SLC24A2: variants seen among roughly 807,000 people sequenced by gnomAD.
SLC24A2 encodes solute carrier family 24 member 2.
Under a neutral mutation model 62.0 loss-of-function variants are expected in SLC24A2, and 36 were observed. That is an observed-to-expected ratio of 0.58 (90% CI 0.44 to 0.77). The LOEUF is 0.77. SLC24A2 is among the 30% of genes least tolerant of loss of function. The pLI, the probability that SLC24A2 is intolerant of heterozygous loss-of-function variation, is 0.00. For missense variants in SLC24A2, 846 were observed against 817.9 expected (o/e 1.03, Z -0.42); for synonymous variants, 358 against 294.0 (o/e 1.22, Z -2.23).
chr9:19,723,431 G>A (rs1260942295), intron 2 of SLC24A2, among the ~76,000 whole-genome samples: 7 of 152,102 alleles, frequency 4.6e-5, no homozygotes, highest in Non-Finnish European at 1.5e-5. Flanking sequence ...TAATACAGGT[G>A]TTTGTATTCC....
the SLC24A2 span, among the ~76,000 whole-genome samples, chr9:19,828,647 A>G: frequency 5.3e-5 from 8 of 151,994 alleles, no homozygotes; most frequent in East Asian, 3.9e-4. Flanking sequence ...CCCACCCCCA[A>G]CGACCTCGAG....
the SLC24A2 span, among the ~76,000 whole-genome samples, chr9:19,851,081 T>G: frequency 7.2e-6 from 1 of 138,778 alleles, no homozygotes; most frequent in Non-Finnish European, 1.5e-5. Flanking sequence ...TGGAGTGCAA[T>G]GGCGTGATCT....
the SLC24A2 span, among the ~76,000 whole-genome samples, chr9:20,069,043 C>A: frequency 0.02 from 2,426 of 123,496 alleles, 35 homozygotes; most frequent in Non-Finnish European, 0.026. Context: ...TTTCACCTCC[C>A]AAAACTACTC....
chr9:20,107,050 C>A, the SLC24A2 span, among the ~76,000 whole-genome samples: 2 of 152,240 alleles, frequency 1.3e-5, no homozygotes, highest in Non-Finnish European at 2.9e-5. Context: ...TCTTATACAC[C>A]AATAACAGAC....
At chr9:20,170,140 A>C in the SLC24A2 span, among the ~76,000 whole-genome samples, 1 of 151,434 alleles carries the variant, frequency 6.6e-6, no homozygotes, top group Non-Finnish European at 1.5e-5. Context: ...ACAAAAAGAA[A>C]AAAAAAAAAG....
chr9:20,144,922 C>A, the SLC24A2 span, among the ~76,000 whole-genome samples: 25 of 152,052 alleles, frequency 1.6e-4, no homozygotes, highest in African/African-American at 5.8e-4. Flanking sequence ...CTTGAAGAGG[C>A]CTCAAGCAAT....
chr9:20,119,564 T>G, the SLC24A2 span, among the ~76,000 whole-genome samples: 143 of 152,226 alleles, frequency 9.4e-4, no homozygotes, highest in Non-Finnish European at 1.6e-3. Flanking sequence ...AACACTTCCA[T>G]GATAAACACT....
chr9:20,017,031 TA>T, the SLC24A2 span, among the ~76,000 whole-genome samples: 17 of 152,246 alleles, frequency 1.1e-4, no homozygotes, highest in Admixed American at 1.0e-3. Context: ...TATTTTATTT[TA>T]ATTTTTTTGA....
intron 7 of SLC24A2, among the ~76,000 whole-genome samples, chr9:19,560,687 A>C (rs935987433): frequency 6.6e-6 from 1 of 152,202 alleles, no homozygotes; most frequent in Non-Finnish European, 1.5e-5. Flanking sequence ...CAGCCCCAGT[A>C]GGCTAATACA....
chr9:19,960,570 T>C, the SLC24A2 span, among the ~76,000 whole-genome samples: 1 of 152,290 alleles, frequency 6.6e-6, no homozygotes, highest in Non-Finnish European at 1.5e-5. Context: ...ACCCATAAAA[T>C]GGGGGTAATA....
Position 19,788,608 on chromosome 9 carries a change from G to A in SLC24A2, c.-154+277C>T, listed in dbSNP as rs1319222582. ...CCTGAGTCGTTTGTAGGTGGCTGGG[G>A]AATGGAAGCGCCCCTCTGCGCGTCT... On this transcript the variant is annotated intron_variant, in intron 1 of 10. Transcript: ENST00000341998. The A allele has an allele frequency of 8.1e-6, 8 of 985,366 alleles. No individual in the cohort carries two copies. The Admixed American group carries it at 4.3e-4, about 53-fold the overall frequency. 61.0% of individuals were successfully genotyped at this position (985,366 alleles called of 1,614,324 possible).
chr9:19,950,708 A>C, the SLC24A2 span, among the ~76,000 whole-genome samples: 1 of 152,234 alleles, frequency 6.6e-6, no homozygotes, highest in Non-Finnish European at 1.5e-5. Context: ...TTCATATTCT[A>C]CTGCAAGTGT....
At chr9:20,044,967 G>T in the SLC24A2 span, among the ~76,000 whole-genome samples, 1 of 151,896 alleles carries the variant, frequency 6.6e-6, no homozygotes, top group Non-Finnish European at 1.5e-5. Flanking sequence ...ACAATACTGG[G>T]GACCATTTGA....
At chr9:19,534,853 T>C (rs940290130) in intron 8 of SLC24A2, among the ~76,000 whole-genome samples, 1 of 152,230 alleles carries the variant, frequency 6.6e-6, no homozygotes, top group African/African-American at 2.4e-5. Context: ...GAATGATTTA[T>C]AATCCTTTGG....
the SLC24A2 span, among the ~76,000 whole-genome samples, chr9:19,895,006 C>A: frequency 6.6e-6 from 1 of 152,114 alleles, no homozygotes; most frequent in African/African-American, 2.4e-5. Flanking sequence ...GCTTTCAAGA[C>A]AAAATAAAAG....
At chr9:20,098,957 A>T in the SLC24A2 span, among the ~76,000 whole-genome samples, 1 of 152,214 alleles carries the variant, frequency 6.6e-6, no homozygotes, top group Non-Finnish European at 1.5e-5. Context: ...TAGGATATAC[A>T]CAACTTACTG....
At chr9:19,878,816 A>G in the SLC24A2 span, among the ~76,000 whole-genome samples, 2 of 152,124 alleles carry the variant, frequency 1.3e-5, no homozygotes, top group African/African-American at 4.8e-5. Flanking sequence ...TTTATAAATT[A>G]CCCAGTTTCA....
chr9:19,672,001 G>C (rs1055955449), intron 2 of SLC24A2, among the ~76,000 whole-genome samples: 1 of 145,728 alleles, frequency 6.9e-6, no homozygotes, highest in African/African-American at 2.7e-5. Flanking sequence ...CAGGGATATT[G>C]GTCTGTAATT....
chr9:19,873,384 T>C, the SLC24A2 span, among the ~76,000 whole-genome samples: 6 of 151,038 alleles, frequency 4.0e-5, no homozygotes, highest in East Asian at 1.2e-3. Context: ...TTCTTTCTCT[T>C]TCTCTCTCTC....
Sources: allele counts gnomAD v4.1 joint callset (sites outside exome capture counted in the v4.1 genomes callset), GRCh38; gene constraint gnomAD v4.1.1; transcripts MANE v1.5; gene names NCBI Gene and HGNC (gene_info 2026-07-23, HGNC 2026-07-21).